The following SLC39A11 variants were observed in gnomAD, a reference collection of about 807,000 sequenced individuals.
The protein encoded by SLC39A11 is solute carrier family 39 member 11.
Under a neutral mutation model 36.1 loss-of-function variants are expected in SLC39A11, and 33 were observed. The observed-to-expected ratio is 0.91, with a 90% CI of 0.69 to 1.22. The LOEUF is 1.22. Among genes scored for constraint, SLC39A11 ranks in the 50% most tolerant of loss-of-function variants. The pLI, the probability that SLC39A11 is intolerant of heterozygous loss-of-function variation, is 0.00. For synonymous variants in SLC39A11, 166 were observed against 170.3 expected (o/e 0.97, Z 0.20); for missense variants, 432 against 430.3 (o/e 1.00, Z -0.03).
At chr17:72,924,145 C>CA (rs1192201974) in intron 5 of SLC39A11, among the ~76,000 whole-genome samples, 93 of 69,440 alleles carry the variant, frequency 1.3e-3, no homozygotes, top group Non-Finnish European at 1.5e-3. Flanking sequence ...GACCCCGTCT[C>CA]AAAAAAAAAA....
intron 5 of SLC39A11, among the ~76,000 whole-genome samples, chr17:72,936,293 G>A (rs904145023): frequency 2.0e-5 from 3 of 151,666 alleles, no homozygotes; most frequent in African/African-American, 7.3e-5. Flanking sequence ...CATTTTCCGA[G>A]ATGATCCCAA....
intron 7 of SLC39A11, among the ~76,000 whole-genome samples, chr17:72,730,841 T>G (rs1465442747): frequency 6.6e-6 from 1 of 152,150 alleles, no homozygotes; most frequent in Non-Finnish European, 1.5e-5. Flanking sequence ...TTTTCTCTTT[T>G]ATAGAGATGG....
chr17:72,721,433 G>A (rs182938016), intron 7 of SLC39A11, among the ~76,000 whole-genome samples: 55 of 152,270 alleles, frequency 3.6e-4, no homozygotes, highest in Non-Finnish European at 4.6e-4. Flanking sequence ...GGCTGTGGAC[G>A]AGAGGCATCT....
intron 4 of SLC39A11, among the ~76,000 whole-genome samples, chr17:72,974,145 G>C (rs903581613): frequency 3.3e-4 from 50 of 152,238 alleles, no homozygotes; most frequent in African/African-American, 1.1e-3. Context: ...CTGTCACCCA[G>C]GCTGGAGTGC....
At chr17:73,067,797 A>T in intron 3 of SLC39A11, 1 of 1,333,270 alleles carries the variant, frequency 7.5e-7, no homozygotes, top group South Asian at 1.2e-5. Flanking sequence ...TGCCACAAGC[A>T]TCACAACTTT....
chr17:72,665,636 C>G (rs77806337), intron 7 of SLC39A11, among the ~76,000 whole-genome samples: 171 of 152,090 alleles, frequency 1.1e-3, no homozygotes, highest in African/African-American at 3.3e-3. Context: ...GATTCTCCTA[C>G]CTCAGCTCCC....
At chr17:72,905,370 C>T (rs1316478311) in intron 5 of SLC39A11, among the ~76,000 whole-genome samples, 6 of 150,786 alleles carry the variant, frequency 4.0e-5, no homozygotes, top group Non-Finnish European at 8.9e-5. Context: ...CCAAGGCAGG[C>T]GGATCACCTG....
intron 7 of SLC39A11, among the ~76,000 whole-genome samples, chr17:72,676,068 T>C (rs1241576256): frequency 8.1e-5 from 5 of 61,364 alleles, no homozygotes; most frequent in Non-Finnish European, 1.8e-4. Flanking sequence ...ACTCACAATG[T>C]TTCACACACA....
intron 6 of SLC39A11, among the ~76,000 whole-genome samples, chr17:72,740,265 C>T (rs1019365471): frequency 6.6e-6 from 1 of 151,746 alleles, no homozygotes; most frequent in African/African-American, 2.4e-5. Context: ...GGGTTTCACA[C>T]CGTGTTAGCC....
chr17:73,031,452 T>C, intron 4 of SLC39A11, 104 bp downstream of exon 4: 1 of 1,277,718 alleles, frequency 7.8e-7, no homozygotes, highest in Non-Finnish European at 1.1e-6. Context: ...CACTGGCTAC[T>C]TAACAGAGAC....
At chr17:72,705,394 A>T (rs567058924) in intron 7 of SLC39A11, among the ~76,000 whole-genome samples, 1 of 152,206 alleles carries the variant, frequency 6.6e-6, no homozygotes, top group South Asian at 2.1e-4. Context: ...GCTGATTGCA[A>T]CTATTATCAG....
At position 72,789,806 on chromosome 17, in the gene SLC39A11, T is replaced by C. The variant is rs989139982; in HGVS notation, c.602-53087A>G. On this transcript the variant is annotated intron_variant, in intron 6 of 9. Transcript: ENST00000255559. Reference sequence around the variant, plus strand: ...GCCGAGAGTCAGGCCTTACTGAAGATAGGAGAAAGATCTGTGGGTACGTAT... The same window carrying C: ...GCCGAGAGTCAGGCCTTACTGAAGACAGGAGAAAGATCTGTGGGTACGTAT... 7.2e-5 allele frequency among the ~76,000 whole-genome samples: 11 copies of C among 152,206 alleles called. No individual in the cohort carries two copies. The East Asian group carries it at 1.2e-3, about 16-fold the overall frequency.
chr17:72,662,321 A>G (rs1024937719), intron 7 of SLC39A11, among the ~76,000 whole-genome samples: 2 of 151,260 alleles, frequency 1.3e-5, no homozygotes, highest in Admixed American at 6.6e-5. Context: ...AGAAAAGAGG[A>G]AAGAAAGAAA....
chr17:72,918,929 G>A (rs768044324), intron 5 of SLC39A11, among the ~76,000 whole-genome samples: 6 of 152,052 alleles, frequency 3.9e-5, no homozygotes, highest in Non-Finnish European at 8.8e-5. Flanking sequence ...TGGGCGTGGT[G>A]GTATGTACCC....
At chr17:72,910,844 G>T (rs35857574) in intron 5 of SLC39A11, among the ~76,000 whole-genome samples, 76,245 of 147,518 alleles carry the variant, frequency 0.52, 19,615 homozygotes, top group African/African-American at 0.54. Context: ...GGAGAGTCAC[G>T]TGAACCCAGA....
At chr17:72,870,362 T>A (rs1017536281) in intron 5 of SLC39A11, among the ~76,000 whole-genome samples, 2 of 152,202 alleles carry the variant, frequency 1.3e-5, no homozygotes, top group Non-Finnish European at 2.9e-5. Context: ...AATATTCCTC[T>A]CCAGACTGTG....
At chr17:73,091,251 A>G (rs2060913230) in intron 1 of SLC39A11, among the ~76,000 whole-genome samples, 1 of 152,090 alleles carries the variant, frequency 6.6e-6, no homozygotes, top group South Asian at 2.1e-4. Context: ...AACACGGTGA[A>G]ACCCCATCTC....
chr17:72,789,765 AG>A (rs2076639960), intron 6 of SLC39A11, among the ~76,000 whole-genome samples: 1 of 152,240 alleles, frequency 6.6e-6, no homozygotes, highest in South Asian at 2.1e-4. Flanking sequence ...GATGAAATCC[AG>A]GCATCAATAT....
chr17:72,889,606 G>T (rs1308208263), intron 5 of SLC39A11, among the ~76,000 whole-genome samples: 1 of 151,912 alleles, frequency 6.6e-6, no homozygotes, highest in African/African-American at 2.4e-5. Context: ...AAAACAATTT[G>T]ATTCAATCTC....
Sources: gnomAD v4.1 joint callset for allele counts (sites outside exome capture counted in the v4.1 genomes callset) on GRCh38, gnomAD v4.1.1 for gene constraint, MANE v1.5 for transcripts, NCBI Gene and HGNC (gene_info 2026-07-23, HGNC 2026-07-21) for gene names.